BMPER: variants seen among roughly 807,000 people sequenced by gnomAD.
The protein encoded by BMPER is BMP-binding endothelial regulator protein.
A neutral mutation model predicts 87.3 loss-of-function variants in BMPER; 45 were observed. The observed-to-expected ratio is 0.52, with a 90% confidence interval of 0.41 to 0.66. The LOEUF (loss-of-function observed/expected upper bound fraction) is 0.66, where lower values mean the gene tolerates loss of function less well. BMPER is among the 30% of genes least tolerant of loss of function. The pLI is 0.00. For synonymous variants in BMPER, 326 were observed against 316.2 expected (o/e 1.03, Z -0.33); for missense variants, 784 against 867.5 (o/e 0.90, Z 1.21).
chr7:33,995,133 T>G (rs1290065563), intron 6 of BMPER, among the ~76,000 whole-genome samples: 1 of 152,180 alleles, frequency 6.6e-6, no homozygotes, highest in East Asian at 1.9e-4. Context: ...TTATCATAAA[T>G]TATATTCAAA....
At chr7:34,027,660 T>C (rs1787392119) in intron 6 of BMPER, among the ~76,000 whole-genome samples, 1 of 152,096 alleles carries the variant, frequency 6.6e-6, no homozygotes, top group South Asian at 2.1e-4. Context: ...TTATTAAGAA[T>C]TGAGTACTTG....
At chr7:33,915,541 T>C (rs1319202139) in intron 2 of BMPER, among the ~76,000 whole-genome samples, 1 of 152,194 alleles carries the variant, frequency 6.6e-6, no homozygotes, top group African/African-American at 2.4e-5. Context: ...TGTATGGGTT[T>C]GAGTCTCACC....
At chr7:34,102,246 C>A (rs893292107) in intron 13 of BMPER, among the ~76,000 whole-genome samples, 1 of 152,116 alleles carries the variant, frequency 6.6e-6, no homozygotes, top group Admixed American at 6.5e-5. Flanking sequence ...AGAAATTAGA[C>A]AACAGAGCAA....
At chr7:34,117,992 C>T (rs1254599186) in intron 13 of BMPER, among the ~76,000 whole-genome samples, 3 of 152,126 alleles carry the variant, frequency 2.0e-5, no homozygotes, top group Non-Finnish European at 4.4e-5. Context: ...TTTACTTAAC[C>T]GAGCTTTGAA....
At chr7:34,008,523 T>C (rs993443723) in intron 6 of BMPER, among the ~76,000 whole-genome samples, 2 of 152,056 alleles carry the variant, frequency 1.3e-5, no homozygotes, top group African/African-American at 4.8e-5. Flanking sequence ...CATCTTTTTA[T>C]GATTTTCCAG....
At chr7:33,952,809 G>T (rs1297166003) in intron 3 of BMPER, among the ~76,000 whole-genome samples, 1 of 152,190 alleles carries the variant, frequency 6.6e-6, no homozygotes, top group East Asian at 1.9e-4. Flanking sequence ...TTCTTTTGGA[G>T]AGGAACCTCA....
intron 13 of BMPER, among the ~76,000 whole-genome samples, chr7:34,133,947 T>C (rs193089517): frequency 1.4e-4 from 22 of 152,230 alleles, no homozygotes; most frequent in African/African-American, 5.3e-4. Flanking sequence ...CTCTTGTACT[T>C]GAGATTCTTT....
At chr7:34,090,282 G>A (rs570678872) in intron 13 of BMPER, among the ~76,000 whole-genome samples, 83 of 152,280 alleles carry the variant, frequency 5.5e-4, no homozygotes, top group African/African-American at 1.8e-3. Context: ...AAAAATTAAC[G>A]TGAAGTTGTT....
chr7:33,941,114 A>G lies in BMPER; in HGVS notation c.319+3726A>G, dbSNP rs927101277. 4.1e-4 allele frequency among the ~76,000 whole-genome samples: 56 copies of G among 136,856 alleles called. No individual in the cohort carries two copies. In the South Asian group the frequency reaches 0.012, roughly 28 times the overall value. The allele number at this position is 136,856 out of a possible 152,430, so 89.8% of individuals were successfully genotyped here. A position where few individuals can be genotyped will look rare whatever the true frequency, so the allele number is the denominator to read the frequency against. On this transcript the variant is annotated intron_variant, in intron 3 of 14. Transcript: ENST00000649409. ...AATTTATATGTAATATATTACATAT[A>G]ATTTATATATTATATATTTATATGT...
At chr7:33,919,637 T>A (rs2128604048) in intron 2 of BMPER, among the ~76,000 whole-genome samples, 1 of 152,272 alleles carries the variant, frequency 6.6e-6, no homozygotes, top group East Asian at 1.9e-4. Context: ...GGCAAATGAT[T>A]GATTGATGGT....
intron 6 of BMPER, among the ~76,000 whole-genome samples, chr7:34,045,915 C>T (rs1169878018): frequency 6.6e-6 from 1 of 152,122 alleles, no homozygotes; most frequent in Non-Finnish European, 1.5e-5. Context: ...AGGCAGTGAC[C>T]TATTAGGATG....
intron 6 of BMPER, among the ~76,000 whole-genome samples, chr7:34,014,231 A>G (rs1371455920): frequency 6.6e-6 from 1 of 151,924 alleles, no homozygotes; most frequent in Admixed American, 6.6e-5. Flanking sequence ...TAATGTGGGG[A>G]CACATGGGAA....
chr7:33,917,977 T>C (rs1385411757), intron 2 of BMPER, among the ~76,000 whole-genome samples: 1 of 152,164 alleles, frequency 6.6e-6, no homozygotes, highest in Non-Finnish European at 1.5e-5. Context: ...TCTTTGGGCC[T>C]CTATAAGAAA....
intron 3 of BMPER, among the ~76,000 whole-genome samples, chr7:33,960,596 G>T (rs189952725): frequency 6.6e-6 from 1 of 152,188 alleles, no homozygotes; most frequent in African/African-American, 2.4e-5. Context: ...GACTGTTTGT[G>T]TGCTTATTAA....
At chr7:34,127,578 G>T (rs13246579) in intron 13 of BMPER, among the ~76,000 whole-genome samples, 25,200 of 151,722 alleles carry the variant, frequency 0.17, 2,336 homozygotes, top group Non-Finnish European at 0.2. Flanking sequence ...AAACACAGTG[G>T]GTTTAAATAC....
At chr7:34,120,009 AT>A (rs1450012120) in intron 13 of BMPER, among the ~76,000 whole-genome samples, 1 of 152,202 alleles carries the variant, frequency 6.6e-6, no homozygotes, top group Non-Finnish European at 1.5e-5. Context: ...TATTATAATC[AT>A]GTACATGCCC....
At chr7:33,940,335 C>T (rs905165406) in intron 3 of BMPER, among the ~76,000 whole-genome samples, 4 of 152,074 alleles carry the variant, frequency 2.6e-5, no homozygotes, top group East Asian at 1.9e-4. Flanking sequence ...TTCATTTGGT[C>T]GTTTCTGACC....
chr7:34,155,829 T>G lies in BMPER; in HGVS notation c.*2556T>G, dbSNP rs1426175367. The G allele has an allele frequency of 6.6e-6, 1 of 152,218 alleles. No homozygotes were observed. The highest frequency in any genetic ancestry group is 2.4e-5 in the African/African-American group (1 of 41,452). 9.4% of individuals were successfully genotyped at this position (152,218 alleles called of 1,614,324 possible). A position where few individuals can be genotyped will look rare whatever the true frequency, so the allele number is the denominator to read the frequency against. ...TCAATTGGTTCTTCAACTAAGCTCT[T>G]GCAGAGTGAGATGACTTGAAATAAA... On this transcript the variant is annotated 3_prime_UTR_variant, in exon 15 of 15. Transcript: ENST00000649409.
At chr7:33,966,637 A>G (rs2128617751) in intron 4 of BMPER, 76 bp downstream of exon 4, 5 of 1,429,374 alleles carry the variant, frequency 3.5e-6, no homozygotes, top group Non-Finnish European at 4.9e-6. Context: ...CACACAACAT[A>G]GAACAAAACC....
Sources: allele counts gnomAD v4.1 joint callset (sites outside exome capture counted in the v4.1 genomes callset), GRCh38; gene constraint gnomAD v4.1.1; transcripts MANE v1.5; gene names NCBI Gene and HGNC (gene_info 2026-07-23, HGNC 2026-07-21).